Variants in MSRB3 observed in about 807,000 individuals in gnomAD.
MSRB3 encodes the protein methionine sulfoxide reductase B3.
A neutral mutation model predicts 21.0 loss-of-function variants in MSRB3; 13 were observed. That is an observed-to-expected ratio of 0.62 (90% CI 0.40 to 0.98). MSRB3 has a LOEUF of 0.98. MSRB3 is among the 50% of genes least tolerant of loss of function. MSRB3 has a pLI of 0.00. For missense variants in MSRB3, 199 were observed against 230.3 expected (o/e 0.86, Z 0.88); for synonymous variants, 87 against 88.6 (o/e 0.98, Z 0.10).
intron 2 of MSRB3, among the ~76,000 whole-genome samples, chr12:65,310,697 A>T (rs879206722): frequency 6.6e-6 from 1 of 152,248 alleles, no homozygotes. Flanking sequence ...TAACTGAAAT[A>T]TAAATATCTT....
At chr12:65,403,326 T>C (rs2336714) in intron 5 of MSRB3, among the ~76,000 whole-genome samples, 105,897 of 151,628 alleles carry the variant, frequency 0.7, 37,335 homozygotes, top group African/African-American at 0.78. Flanking sequence ...GCTAGACAGG[T>C]AGTCTTGGCT....
At chr12:65,449,227 C>A (rs969448862) in intron 5 of MSRB3, among the ~76,000 whole-genome samples, 1 of 142,026 alleles carries the variant, frequency 7.0e-6, no homozygotes, top group African/African-American at 2.7e-5. Context: ...TTTGTAGAGG[C>A]GGGGTTTCAT....
chr12:65,414,000 G>A (rs747734823), intron 5 of MSRB3, among the ~76,000 whole-genome samples: 2 of 152,110 alleles, frequency 1.3e-5, no homozygotes, highest in Non-Finnish European at 2.9e-5. Flanking sequence ...CAGAGAAGCA[G>A]GCCAGTATTG....
In MSRB3 at chr12:65,419,123, C is replaced by T. The variant is rs1881139153; in HGVS notation, c.293-34605C>T. 8 of 683,286 alleles carry T rather than the reference C, an allele frequency of 1.2e-5. No homozygotes were observed. The South Asian group carries it at 1.3e-4, about 11-fold the overall frequency. The allele number at this position is 683,286 out of a possible 1,614,324, so 42.3% of individuals were successfully genotyped here. On this transcript the variant is annotated intron_variant, in intron 5 of 6. Transcript: ENST00000308259. ...GAGGACTGGGCTGTATGTTACAGCT[C>T]ATCTGTTGAGAGCATCATCTCAACA...
intron 5 of MSRB3, among the ~76,000 whole-genome samples, chr12:65,389,504 G>T (rs55745273): frequency 0.013 from 2,003 of 152,126 alleles, 21 homozygotes; most frequent in Middle Eastern, 0.048. Flanking sequence ...CCCTGGTAAT[G>T]CCCTTCATTT....
intron 5 of MSRB3, among the ~76,000 whole-genome samples, chr12:65,393,035 TA>T (rs1420656551): frequency 6.6e-6 from 1 of 152,190 alleles, no homozygotes; most frequent in African/African-American, 2.4e-5. Flanking sequence ...CTATAGTAAA[TA>T]AAAATTCTTT....
intron 1 of MSRB3, among the ~76,000 whole-genome samples, chr12:65,290,806 A>G (rs1394097403): frequency 3.9e-5 from 6 of 152,168 alleles, no homozygotes; most frequent in Admixed American, 3.3e-4. Context: ...TGACTTTTTC[A>G]AGTAAGTTGC....
At chr12:65,419,503 G>T (rs1001239580) in intron 5 of MSRB3, 2 of 739,928 alleles carry the variant, frequency 2.7e-6, no homozygotes, top group African/African-American at 1.7e-5. Context: ...CTGGCGCATG[G>T]CCAGCTCTGT....
intron 5 of MSRB3, among the ~76,000 whole-genome samples, chr12:65,445,230 G>C (rs1490967766): frequency 6.6e-6 from 1 of 151,920 alleles, no homozygotes; most frequent in Admixed American, 6.6e-5. Context: ...ACTCTCCCCT[G>C]CTTCCCAGTC....
At chr12:65,399,911 T>G (rs1474174075) in intron 5 of MSRB3, among the ~76,000 whole-genome samples, 2 of 152,218 alleles carry the variant, frequency 1.3e-5, no homozygotes, top group Admixed American at 6.5e-5. Flanking sequence ...TGTTTATTGA[T>G]TTGCACATGT....
In MSRB3 at chr12:65,332,292, GGTGT is replaced by G. The variant is rs369716664; in HGVS notation, c.263+3706_263+3709del. ...GAACAAAAGTGTAGGAAACAATTGA[GGTGT>G]GTGTGTGTGTGTGTGTATGAAAAGT... On this transcript the variant is annotated intron_variant, in intron 4 of 6. Transcript: ENST00000308259. Among the ~76,000 whole-genome samples the G allele has an allele frequency of 3.5e-3, 531 of 150,250 alleles. 4 individuals are homozygous for G. The highest frequency in any genetic ancestry group is 0.012 in the African/African-American group (496 of 41,096).
intron 1 of MSRB3, among the ~76,000 whole-genome samples, chr12:65,293,077 G>A (rs923879185): frequency 6.6e-6 from 1 of 152,106 alleles, no homozygotes; most frequent in African/African-American, 2.4e-5. Context: ...ATCACAAGCT[G>A]AACTTTTTTT....
intron 5 of MSRB3, among the ~76,000 whole-genome samples, chr12:65,398,381 T>A (rs893812837): frequency 1.2e-4 from 18 of 152,220 alleles, no homozygotes; most frequent in Non-Finnish European, 2.2e-4. Flanking sequence ...CTTTTTTTCA[T>A]ATGTTTGTTG....
chr12:65,286,455 AT>A (rs1445351245), intron 1 of MSRB3: 2 of 152,174 alleles, frequency 1.3e-5, no homozygotes, highest in Non-Finnish European at 2.9e-5. Context: ...CTTTTTAAAA[AT>A]TATATTTTTA....
At chr12:65,428,743 G>T (rs777110139) in intron 5 of MSRB3, among the ~76,000 whole-genome samples, 3 of 145,294 alleles carry the variant, frequency 2.1e-5, no homozygotes, top group Non-Finnish European at 4.4e-5. Flanking sequence ...ACCTTTCTCT[G>T]TCTATGTTCA....
intron 1 of MSRB3, among the ~76,000 whole-genome samples, chr12:65,296,557 A>G (rs1046999316): frequency 2.0e-5 from 3 of 152,202 alleles, no homozygotes; most frequent in Non-Finnish European, 4.4e-5. Flanking sequence ...TGCTTAAAAT[A>G]TATCAGCTGG....
chr12:65,302,525 C>T (rs1043350515), intron 1 of MSRB3, among the ~76,000 whole-genome samples: 3 of 152,010 alleles, frequency 2.0e-5, no homozygotes, highest in Non-Finnish European at 4.4e-5. Flanking sequence ...CATTGTTTTC[C>T]ATGTAGTAGG....
chr12:65,385,934 AT>A (rs200791195), intron 5 of MSRB3, among the ~76,000 whole-genome samples: 2,215 of 151,732 alleles, frequency 0.015, 52 homozygotes, highest in African/African-American at 0.05. Flanking sequence ...TTGACCTTGT[AT>A]TTTTTCTGTA....
chr12:65,328,104 G>T (rs1875171793), intron 3 of MSRB3, among the ~76,000 whole-genome samples: 1 of 152,136 alleles, frequency 6.6e-6, no homozygotes, highest in Admixed American at 6.5e-5. Context: ...CCTTAAAGCT[G>T]CAATATTCCT....
Sources: gnomAD v4.1 joint callset for allele counts (sites outside exome capture counted in the v4.1 genomes callset) on GRCh38, gnomAD v4.1.1 for gene constraint, MANE v1.5 for transcripts, NCBI Gene and HGNC (gene_info 2026-07-23, HGNC 2026-07-21) for gene names.